The following DLC1 variants were observed in gnomAD, a reference collection of about 807,000 sequenced individuals.
The protein encoded by DLC1 is rho GTPase-activating protein 7.
In DLC1, 54 loss-of-function variants were observed where a neutral mutation model predicts 140.3. The ratio of observed to expected loss-of-function variants is 0.38; its 90% CI spans 0.31 to 0.48. The LOEUF (loss-of-function observed/expected upper bound fraction) is 0.48. DLC1 is among the 20% of genes least tolerant of loss of function. The pLI is 0.96. For synonymous variants in DLC1, 986 were observed against 728.1 expected (o/e 1.35, Z -5.70); for missense variants, 2,536 against 1,907.0 (o/e 1.33, Z -6.14).
At chr8:13,271,762 G>C (rs906776015) in intron 5 of DLC1, among the ~76,000 whole-genome samples, 7 of 152,194 alleles carry the variant, frequency 4.6e-5, no homozygotes, top group African/African-American at 1.7e-4. Flanking sequence ...ATAGCTCACT[G>C]TAACTTTGAA....
Position 13,092,635 on chromosome 8 carries a change from C to T in DLC1, c.3717G>A (p.Leu1239=), listed in dbSNP as rs1008375035. 1.2e-6 allele frequency: 2 copies of T among 1,614,054 alleles called. No individual in the cohort carries two copies. Among genetic ancestry groups the T allele is most frequent in the Admixed American group, 1.7e-5 (1 of 60,002 alleles). Residue 1239 remains leucine, a synonymous_variant, in exon 13 of 18, where the codon CTG becomes CTA. Transcript: ENST00000276297. ...ACCTGGGAGAGGAATTCTCTCTCTT[C>T]AGGGTGTTGAGATGGAAGAGGGAAG... ...LAPSLFHLNT[L]KRENSSPRVM... is the part of the protein sequence containing the mutation.
intron 5 of DLC1, among the ~76,000 whole-genome samples, chr8:13,157,222 G>A (rs73208934): frequency 0.095 from 14,392 of 152,182 alleles, 748 homozygotes; most frequent in African/African-American, 0.12. Flanking sequence ...AAGCAAACAA[G>A]TCTGAAATAC....
At chr8:13,522,603 C>G (rs186005491) in intron 1 of DLC1, among the ~76,000 whole-genome samples, 1 of 150,600 alleles carries the variant, frequency 6.6e-6, no homozygotes, top group Non-Finnish European at 1.5e-5. Flanking sequence ...CCAGCCTGGG[C>G]GACAAGAGCA....
intron 5 of DLC1, among the ~76,000 whole-genome samples, chr8:13,198,677 G>C (rs989462410): frequency 6.7e-6 from 1 of 149,660 alleles, no homozygotes; most frequent in Non-Finnish European, 1.5e-5. Context: ...ACAACTTCTC[G>C]TTAACCCTCA....
intron 4 of DLC1, among the ~76,000 whole-genome samples, chr8:13,347,890 C>T (rs987731346): frequency 6.6e-6 from 1 of 152,086 alleles, no homozygotes. Flanking sequence ...GATATCGAGA[C>T]CATCCTGGCT....
chr8:13,392,198 A>G (rs1836793142), intron 4 of DLC1, among the ~76,000 whole-genome samples: 1 of 152,204 alleles, frequency 6.6e-6, no homozygotes, highest in African/African-American at 2.4e-5. Context: ...GTATTATCAT[A>G]GCTTGTACAG....
intron 1 of DLC1, among the ~76,000 whole-genome samples, chr8:13,534,445 T>C (rs907946161): frequency 3.3e-5 from 5 of 152,162 alleles, no homozygotes; most frequent in African/African-American, 1.2e-4. Context: ...GTTATATCAA[T>C]TTGAGGGATA....
At chr8:13,177,198 T>A (rs1306065975) in intron 5 of DLC1, among the ~76,000 whole-genome samples, 3 of 152,204 alleles carry the variant, frequency 2.0e-5, no homozygotes, top group Non-Finnish European at 4.4e-5. Context: ...CTCTGAAAGA[T>A]GAGAGACAAA....
intron 14 of DLC1, among the ~76,000 whole-genome samples, 175 bp downstream of exon 14, chr8:13,091,143 G>T (rs1178487229): frequency 6.6e-6 from 1 of 152,088 alleles, no homozygotes; most frequent in Non-Finnish European, 1.5e-5. Flanking sequence ...CATTAAACAT[G>T]ATTAACTCTA....
chr8:13,141,089 C>G (rs1233461236), intron 5 of DLC1, among the ~76,000 whole-genome samples: 1 of 151,816 alleles, frequency 6.6e-6, no homozygotes, highest in Non-Finnish European at 1.5e-5. Context: ...ATCCCCATCA[C>G]TACTAAAAAT....
At position 13,470,172 on chromosome 8, in the gene DLC1, C is replaced by T. The variant is rs879588535; in HGVS notation, c.1023+28877G>A. ...TTGATACAGCTGGAAAGGAAGAAAG[C>T]ATATTTGTCTTATCTGACTACATAA... is the stretch of plus-strand genomic sequence containing the variant. On this transcript the variant is annotated intron_variant, in intron 2 of 17. Transcript: ENST00000276297. Among the ~76,000 whole-genome samples the T allele has an allele frequency of 1.6e-4, 24 of 152,092 alleles. 1 individual carries two copies. Among genetic ancestry groups the T allele is most frequent in the Admixed American group, 1.2e-3 (18 of 15,260 alleles).
intron 5 of DLC1, among the ~76,000 whole-genome samples, chr8:13,168,541 G>T (rs1825249886): frequency 6.6e-6 from 1 of 152,146 alleles, no homozygotes; most frequent in South Asian, 2.1e-4. Flanking sequence ...GTAGATTAAT[G>T]GTCAGGATAT....
chr8:13,139,433 T>A (rs924698608), intron 5 of DLC1, among the ~76,000 whole-genome samples: 3 of 151,190 alleles, frequency 2.0e-5, no homozygotes, highest in Middle Eastern at 6.8e-3. Context: ...AGTACTTTCA[T>A]CATTCAACAA....
chr8:13,522,340 T>C (rs1041933914), intron 1 of DLC1, among the ~76,000 whole-genome samples: 6 of 152,034 alleles, frequency 3.9e-5, no homozygotes, highest in Non-Finnish European at 8.8e-5. Context: ...AGAATAAACA[T>C]AAGTCTGGGA....
intron 5 of DLC1, among the ~76,000 whole-genome samples, chr8:13,181,789 A>G (rs917260849): frequency 5.3e-5 from 8 of 152,202 alleles, no homozygotes; most frequent in South Asian, 2.1e-4. Flanking sequence ...TAGTGCTGCA[A>G]TAAACATACA....
chr8:13,514,568 C>T, intron 1 of DLC1, 34 bp downstream of exon 1: 1 of 398,482 alleles, frequency 2.5e-6, no homozygotes, highest in South Asian at 1.3e-4. Flanking sequence ...TCAAAGACCG[C>T]CTCAAAGCAT....
At chr8:13,252,786 A>T (rs1463835278) in intron 5 of DLC1, among the ~76,000 whole-genome samples, 1 of 152,212 alleles carries the variant, frequency 6.6e-6, no homozygotes, top group East Asian at 1.9e-4. Flanking sequence ...GTTCCATTAC[A>T]CGTGCCCTCT....
chr8:13,091,406 C>T lies in DLC1; in HGVS notation c.3767G>A (p.Gly1256Asp), dbSNP rs755586282. Residue 1256 changes from glycine to aspartate, a missense_variant, in exon 14 of 18, where the codon GGC becomes GAC. Coordinates refer to ENST00000276297, the MANE Select transcript of DLC1 (RefSeq NM_182643.3). ...PRVMQRKQSL[G>D]KPDQKDLNEN... ...ATTCAAATCTTTCTGATCTGGTTTGCCCAAACTTTGTTTTCTTTGCATTAC... is the reference window on the plus strand; with the variant it reads ...ATTCAAATCTTTCTGATCTGGTTTGTCCAAACTTTGTTTTCTTTGCATTAC... 19 of 1,613,912 alleles carry T rather than the reference C, an allele frequency of 1.2e-5. 1 individual carries two copies. In the South Asian group the frequency reaches 1.9e-4, roughly 16 times the overall value.
At chr8:13,395,653 GT>G (rs1192386042) in intron 3 of DLC1, among the ~76,000 whole-genome samples, 2 of 152,142 alleles carry the variant, frequency 1.3e-5, no homozygotes, top group Non-Finnish European at 2.9e-5. Context: ...GTAAAATTAT[GT>G]GATCAAAAGC....
Sources: gnomAD v4.1 joint callset for allele counts (sites outside exome capture counted in the v4.1 genomes callset) on GRCh38, gnomAD v4.1.1 for gene constraint, MANE v1.5 for transcripts, NCBI Gene and HGNC (gene_info 2026-07-23, HGNC 2026-07-21) for gene names.